Variants in EFR3B observed in about 807,000 individuals in gnomAD.
EFR3B encodes protein EFR3 homolog B.
A neutral mutation model predicts 104.7 loss-of-function variants in EFR3B; 64 were observed. That is an observed-to-expected ratio of 0.61 (90% confidence interval 0.50 to 0.75). The LOEUF is 0.75. EFR3B is among the 30% of genes least tolerant of loss of function. The pLI is 0.00. For synonymous variants in EFR3B, 385 were observed against 417.9 expected (o/e 0.92, Z 0.96); for missense variants, 750 against 1,078.5 (o/e 0.70, Z 4.27).
chr2:25,059,587 T>TGGG (rs1668129240), intron 1 of EFR3B, among the ~76,000 whole-genome samples: 1 of 59,338 alleles, frequency 1.7e-5, no homozygotes. Context: ...GGGGGGGGGG[T>TGGG]GGAGATTGGG....
At position 25,131,570 on chromosome 2, in the gene EFR3B, G is replaced by C. The variant is rs1397670767; in HGVS notation, c.985+67G>C. 33 of 1,537,742 alleles carry C rather than the reference G, an allele frequency of 2.1e-5. No homozygotes were observed. The East Asian group carries it at 7.9e-4, about 37-fold the overall frequency. On this transcript the variant is annotated intron_variant, in intron 9 of 22. Coordinates refer to ENST00000403714, the MANE Select transcript of EFR3B (RefSeq NM_014971.2). This position sits in a 1 kb window ranked among gnomAD's most constrained non-coding sequence, Gnocchi z 7.6. Reference sequence around the variant, plus strand: ...GAGGCTGCCGCCTCTTACAGAGAGAGGCAAGGGACAACAGGGAGGGGTCGG... The same window carrying C: ...GAGGCTGCCGCCTCTTACAGAGAGACGCAAGGGACAACAGGGAGGGGTCGG...
chr2:25,149,745 A>T lies in EFR3B; in HGVS notation c.2191+3A>T. On this transcript the variant is annotated splice_donor_region_variant and intron_variant, in intron 20 of 22. Coordinates refer to ENST00000403714, the MANE Select transcript of EFR3B (RefSeq NM_014971.2). ...TGAGACACTGAAGAAAGCCATTGGT[A>T]AGTCAGGGCAAAGGGACTCTGGTTA... 1 of 1,551,484 alleles carries T rather than the reference A, an allele frequency of 6.4e-7. No individual in the cohort carries two copies. Among genetic ancestry groups the T allele is most frequent in the Non-Finnish European group, 8.7e-7 (1 of 1,146,812 alleles).
chr2:25,069,539 G>A lies in EFR3B; in HGVS notation c.8-21786G>A, dbSNP rs952426516. On this transcript the variant is annotated intron_variant, in intron 1 of 22. Transcript: ENST00000403714. ...GAAGTGGCAGCATTACAGCTCCAGC[G>A]GTGTTCCAGCTCCATGACTGCTCCT... is the stretch of plus-strand genomic sequence containing the variant. 1.5e-4 allele frequency among the ~76,000 whole-genome samples: 23 copies of A among 152,202 alleles called. 1 individual carries two copies. Among genetic ancestry groups the A allele is most frequent in the Admixed American group, 1.3e-3 (20 of 15,266 alleles).
Position 25,087,522 on chromosome 2 carries a change from G to A in EFR3B, c.8-3803G>A, listed in dbSNP as rs1189919934. 2.7e-5 allele frequency among the ~76,000 whole-genome samples: 4 copies of A among 146,106 alleles called. No individual in the cohort carries two copies. The East Asian group carries it at 8.0e-4, about 29-fold the overall frequency. On this transcript the variant is annotated intron_variant, in intron 1 of 22. Transcript: ENST00000403714. ...TGAGCTGGAGTCTCGCTCTGTTGCT[G>A]AGGCTGTAGTGCAATGGCACAATCT...
chr2:25,082,829 C>CT (rs2149180360), intron 1 of EFR3B, among the ~76,000 whole-genome samples: 1 of 152,188 alleles, frequency 6.6e-6, no homozygotes, highest in Admixed American at 6.5e-5. Context: ...GTAAAAAGCA[C>CT]TATGAAAAGG....
intron 1 of EFR3B, among the ~76,000 whole-genome samples, chr2:25,068,092 C>A (rs1003922499): frequency 3.3e-5 from 5 of 152,166 alleles, no homozygotes; most frequent in Non-Finnish European, 7.3e-5. Flanking sequence ...CAGACATGGG[C>A]TTTCTGAGCC....
intron 1 of EFR3B, among the ~76,000 whole-genome samples, chr2:25,073,708 G>C (rs1300758971): frequency 6.6e-6 from 1 of 152,106 alleles, no homozygotes; most frequent in Non-Finnish European, 1.5e-5. Flanking sequence ...CCAGGTGCCT[G>C]CAAGGAGCTC....
In EFR3B at chr2:25,044,056, G is replaced by C. The variant is rs543262115; in HGVS notation, c.7+1737G>C. ...TGGATAGTCAGAAAGGTGAACTGGG[G>C]AATCAAAGCATCTGGGTGCTATTTT... On this transcript the variant is annotated intron_variant, in intron 1 of 22. Transcript: ENST00000403714. Among the ~76,000 whole-genome samples, 124 of 152,324 alleles carry C rather than the reference G, an allele frequency of 8.1e-4. 1 individual carries two copies. The highest frequency in any genetic ancestry group is 2.9e-3 in the African/African-American group (120 of 41,568).
In EFR3B at chr2:25,066,603, C is replaced by T. The variant is rs185771400; in HGVS notation, c.7+24284C>T. Among the ~76,000 whole-genome samples the T allele has an allele frequency of 1.2e-4, 18 of 152,352 alleles. No individual in the cohort carries two copies. The East Asian group carries it at 2.9e-3, about 24-fold the overall frequency. ...GGCATCTAAACCAAAACAATGTCTTCACCCTCTGAAGGAAGTCCCAGCACG... is the reference window on the plus strand; with the variant it reads ...GGCATCTAAACCAAAACAATGTCTTTACCCTCTGAAGGAAGTCCCAGCACG... On this transcript the variant is annotated intron_variant, in intron 1 of 22. Coordinates refer to ENST00000403714, the MANE Select transcript of EFR3B (RefSeq NM_014971.2).
chr2:25,060,066 G>A (rs941863835), intron 1 of EFR3B, among the ~76,000 whole-genome samples: 4 of 151,024 alleles, frequency 2.6e-5, no homozygotes, highest in Non-Finnish European at 4.4e-5. Flanking sequence ...GTGTGGTGGC[G>A]CGGCCTGTAG....
Position 25,128,334 on chromosome 2 carries a change from T to C in EFR3B, c.635+2T>C. The C allele has an allele frequency of 6.4e-7, 1 of 1,551,778 alleles. No individual in the cohort carries two copies. Among genetic ancestry groups the C allele is most frequent in the Non-Finnish European group, 8.7e-7 (1 of 1,147,016 alleles). On this transcript the variant is annotated splice_donor_variant, in intron 6 of 22. Coordinates refer to ENST00000403714, the MANE Select transcript of EFR3B (RefSeq NM_014971.2). LOFTEE classifies it high-confidence loss of function. ...ACAGCATGTAGAGGAGGCAGAGAGG[T>C]AAGCAGGCCGGGATGGGGCAGGACA...
chr2:25,051,641 T>TG (rs1275553503), intron 1 of EFR3B, among the ~76,000 whole-genome samples: 3 of 149,272 alleles, frequency 2.0e-5, no homozygotes, highest in African/African-American at 7.3e-5. Flanking sequence ...GTGTGTGTTT[T>TG]TTTTTTTTTT....
rs1203338628 is a variant in EFR3B at position 25,154,177 on chromosome 2, G to A, written c.2349-58G>A. On this transcript the variant is annotated intron_variant, in intron 22 of 22. Coordinates refer to ENST00000403714, the MANE Select transcript of EFR3B (RefSeq NM_014971.2). This position sits in a 1 kb window ranked among gnomAD's most constrained non-coding sequence, Gnocchi z 4.1. ...CACCTACTCTGTTTGGTTGCACAAG[G>A]GTGGGATCCTAAAATTCTCTTTTCA... The A allele has an allele frequency of 6.7e-7, 1 of 1,486,434 alleles. No individual in the cohort carries two copies. Among genetic ancestry groups the A allele is most frequent in the Non-Finnish European group, 9.2e-7 (1 of 1,089,164 alleles). The allele number at this position is 1,486,434 out of a possible 1,614,324, so 92.1% of individuals were successfully genotyped here.
intron 4 of EFR3B, among the ~76,000 whole-genome samples, chr2:25,106,210 T>C (rs1669557685): frequency 6.6e-6 from 1 of 152,158 alleles, no homozygotes; most frequent in Non-Finnish European, 1.5e-5. Context: ...ATTCAGGGCT[T>C]TGTGAGGGGA....
intron 1 of EFR3B, among the ~76,000 whole-genome samples, chr2:25,056,813 T>C (rs1478400939): frequency 6.6e-6 from 1 of 152,150 alleles, no homozygotes. Flanking sequence ...AGGCTGAGTG[T>C]TCTGGAGAGG....
chr2:25,071,379 G>T (rs531522385), intron 1 of EFR3B, among the ~76,000 whole-genome samples: 10 of 151,812 alleles, frequency 6.6e-5, no homozygotes, highest in African/African-American at 2.4e-4. Flanking sequence ...TCCTGCCTCG[G>T]CCTCCTGAGT....
At position 25,051,167 on chromosome 2, in the gene EFR3B, A is replaced by G. The variant is rs1329222205; in HGVS notation, c.7+8848A>G. The stretch of plus-strand genomic sequence containing the variant: ...CACTCTGTTGCCCAGGCTGGAGTGC[A>G]GTGGCATGATCTCAGCTCACTGCAA... On this transcript the variant is annotated intron_variant, in intron 1 of 22. Transcript: ENST00000403714. Among the ~76,000 whole-genome samples, 5 of 152,214 alleles carry G rather than the reference A, an allele frequency of 3.3e-5. No individual in the cohort carries two copies. In the East Asian group the frequency reaches 9.7e-4, roughly 29 times the overall value.
intron 1 of EFR3B, among the ~76,000 whole-genome samples, chr2:25,082,235 A>C (rs1038869545): frequency 2.6e-5 from 4 of 152,222 alleles, no homozygotes; most frequent in African/African-American, 7.2e-5. Flanking sequence ...TCTTCACAGC[A>C]CAGGGGTCAT....
intron 18 of EFR3B, 117 bp downstream of exon 18, chr2:25,143,979 T>C (rs1227485116): frequency 9.4e-6 from 13 of 1,379,604 alleles, no homozygotes; most frequent in Non-Finnish European, 1.2e-5. Flanking sequence ...TTGGATGTCG[T>C]GAGAGCTGAA....
Sources: allele counts gnomAD v4.1 joint callset (sites outside exome capture counted in the v4.1 genomes callset), GRCh38; gene constraint gnomAD v4.1.1; non-coding constraint Gnocchi (gnomAD v3.1); transcripts MANE v1.5; gene names NCBI Gene and HGNC (gene_info 2026-07-23, HGNC 2026-07-21).